ETFA: variants seen among roughly 807,000 people sequenced by gnomAD.
ETFA encodes the protein electron transfer flavoprotein subunit alpha, mitochondrial.
In ETFA, 22 loss-of-function variants were observed where a neutral mutation model predicts 46.2. That is an observed-to-expected ratio of 0.48 (90% CI 0.34 to 0.68). The LOEUF (loss-of-function observed/expected upper bound fraction) is 0.68. Ranked by LOEUF, ETFA falls within the 30% of genes least tolerant of loss-of-function variation. The pLI is 0.01. For synonymous variants in ETFA, 131 were observed against 139.9 expected (o/e 0.94, Z 0.45); for missense variants, 345 against 401.1 (o/e 0.86, Z 1.19).
chr15:76,265,801 T>G (rs1033150873), intron 9 of ETFA, among the ~76,000 whole-genome samples: 1 of 152,108 alleles, frequency 6.6e-6, no homozygotes, highest in Non-Finnish European at 1.5e-5. Context: ...ATATGGGATA[T>G]TGCTCAGGAG....
intron 8 of ETFA, among the ~76,000 whole-genome samples, chr15:76,278,941 G>A (rs189075240): frequency 6.6e-6 from 1 of 152,286 alleles, no homozygotes; most frequent in Non-Finnish European, 1.5e-5. Flanking sequence ...AGTATGTGAA[G>A]GGAAGGGGAA....
rs199621717 is a variant in ETFA at position 76,230,218 on chromosome 15, C to CTTTTTTTT, written c.882+1107_882+1114dup. On this transcript the variant is annotated intron_variant, in intron 10 of 11. Transcript: ENST00000557943. ...GTGTTTCCTTCCTCTACTTATTGCA[C>CTTTTTTTT]TTTTTTTTTTTTTTTTTTTTTTTTT... is the stretch of plus-strand genomic sequence containing the variant. 5 of 48,516 alleles carry CTTTTTTTT rather than the reference C, an allele frequency of 1.0e-4. 1 individual carries two copies. The highest frequency in any genetic ancestry group is 3.8e-4 in the African/African-American group (4 of 10,516). 3.0% of individuals were successfully genotyped at this position (48,516 alleles called of 1,614,324 possible).
At chr15:76,229,434 C>T (rs931606244) in intron 10 of ETFA, among the ~76,000 whole-genome samples, 8 of 152,226 alleles carry the variant, frequency 5.3e-5, no homozygotes, top group African/African-American at 1.9e-4. Flanking sequence ...CTGACGTACA[C>T]TACCTAGTGT....
intron 9 of ETFA, 140 bp downstream of exon 9, chr15:76,274,272 A>G: frequency 1.4e-6 from 1 of 724,906 alleles, no homozygotes; most frequent in South Asian, 1.5e-5. Context: ...AGACCTTGTG[A>G]AAATGACATA....
At chr15:76,299,303 A>T (rs2039858161) in intron 1 of ETFA, among the ~76,000 whole-genome samples, 1 of 152,014 alleles carries the variant, frequency 6.6e-6, no homozygotes, top group South Asian at 2.1e-4. Context: ...TCTTTTTTGG[A>T]AACAAAGTCT....
intron 4 of ETFA, 92 bp from the exon 5 acceptor site, chr15:76,288,037 G>A (rs1221583594): frequency 7.2e-6 from 6 of 834,246 alleles, no homozygotes; most frequent in Admixed American, 5.7e-5. Context: ...TGCATATTCT[G>A]TAGAAATTTT....
chr15:76,257,487 A>T (rs2039356499), intron 9 of ETFA, among the ~76,000 whole-genome samples: 2 of 152,252 alleles, frequency 1.3e-5, no homozygotes, highest in Non-Finnish European at 2.9e-5. Flanking sequence ...CACACCAGTT[A>T]GAATGGCAAT....
At position 76,262,474 on chromosome 15, in the gene ETFA, C is replaced by CTTTTTTT. The variant is rs60480510; in HGVS notation, c.816+11931_816+11937dup. ...CCTAGGTATACCATAATCAAACCCC[C>CTTTTTTT]TTTTTTTTTTTTTTTTTTTTTTTTT... On this transcript the variant is annotated intron_variant, in intron 9 of 11. Coordinates refer to ENST00000557943, the MANE Select transcript of ETFA (RefSeq NM_000126.4). 1.4e-4 allele frequency among the ~76,000 whole-genome samples: 12 copies of CTTTTTTT among 84,690 alleles called. 1 individual carries two copies. The highest frequency in any genetic ancestry group is 1.9e-4 in the Non-Finnish European group (9 of 46,418). 55.6% of individuals were successfully genotyped at this position (84,690 alleles called of 152,430 possible).
At chr15:76,220,627 C>A (rs528454110) in intron 11 of ETFA, among the ~76,000 whole-genome samples, 1 of 152,224 alleles carries the variant, frequency 6.6e-6, no homozygotes, top group East Asian at 1.9e-4. Flanking sequence ...ACACTAACAA[C>A]TCAAGAACAA....
chr15:76,286,279 G>T, intron 6 of ETFA, 92 bp downstream of exon 6: 1 of 674,158 alleles, frequency 1.5e-6, no homozygotes, highest in South Asian at 2.0e-5. Flanking sequence ...CTATTCATTA[G>T]AAATGTAGGC....
intron 9 of ETFA, among the ~76,000 whole-genome samples, chr15:76,236,303 T>C (rs1174494129): frequency 6.6e-6 from 1 of 152,226 alleles, no homozygotes; most frequent in Non-Finnish European, 1.5e-5. Context: ...ATATTTAATG[T>C]TAAATTTTCT....
intron 9 of ETFA, among the ~76,000 whole-genome samples, chr15:76,254,966 A>C (rs764483423): frequency 6.6e-6 from 1 of 152,196 alleles, no homozygotes; most frequent in Non-Finnish European, 1.5e-5. Flanking sequence ...GTTGTCTTAC[A>C]TGGCAATAAC....
At chr15:76,292,389 T>C in intron 4 of ETFA, 42 bp downstream of exon 4, 1 of 1,326,706 alleles carries the variant, frequency 7.5e-7, no homozygotes. Context: ...ATCTAACCCT[T>C]TCAAGCAGTG....
At chr15:76,286,046 G>A (rs1207746702) in intron 6 of ETFA, among the ~76,000 whole-genome samples, 5 of 152,042 alleles carry the variant, frequency 3.3e-5, no homozygotes, top group Non-Finnish European at 7.4e-5. Context: ...CCCTCCACAC[G>A]TTTCCTATTA....
At chr15:76,248,394 A>G (rs1299160718) in intron 9 of ETFA, among the ~76,000 whole-genome samples, 1 of 152,234 alleles carries the variant, frequency 6.6e-6, no homozygotes, top group Non-Finnish European at 1.5e-5. Flanking sequence ...CAAGTAGATT[A>G]TAATTATAAA....
intron 10 of ETFA, chr15:76,228,154 G>A (rs952461797): frequency 1.9e-5 from 7 of 364,990 alleles, no homozygotes; most frequent in Admixed American, 1.9e-4. Flanking sequence ...TTAATCATCC[G>A]AAAGCTTTTT....
intron 9 of ETFA, among the ~76,000 whole-genome samples, chr15:76,248,174 T>G (rs2039261502): frequency 6.6e-6 from 1 of 152,196 alleles, no homozygotes; most frequent in South Asian, 2.1e-4. Context: ...TTAAGTGTAG[T>G]AGGGGTACAG....
At chr15:76,226,343 G>A (rs1159255175) in intron 10 of ETFA, 3 of 192,944 alleles carry the variant, frequency 1.6e-5, no homozygotes, top group Non-Finnish European at 3.2e-5. Context: ...CCAGCACTTT[G>A]GGAGGCCAAG....
At chr15:76,218,975 AAGG>A (rs2038927715) in intron 11 of ETFA, among the ~76,000 whole-genome samples, 1 of 152,168 alleles carries the variant, frequency 6.6e-6, no homozygotes, top group Non-Finnish European at 1.5e-5. Flanking sequence ...AATGTAGGAG[AAGG>A]AGAAGAGAAT....
Sources: allele counts gnomAD v4.1 joint callset (sites outside exome capture counted in the v4.1 genomes callset), GRCh38; gene constraint gnomAD v4.1.1; transcripts MANE v1.5; gene names NCBI Gene and HGNC (gene_info 2026-07-23, HGNC 2026-07-21).